The following ANAPC1 variants were observed in gnomAD, a reference collection of about 807,000 sequenced individuals.
The protein encoded by ANAPC1 is anaphase promoting complex subunit 1.
Under a neutral mutation model 208.0 loss-of-function variants are expected in ANAPC1, and 36 were observed. The ratio of observed to expected loss-of-function variants is 0.17; its 90% CI spans 0.13 to 0.23. ANAPC1 has a LOEUF of 0.23. ANAPC1 is among the 10% of genes least tolerant of loss of function. ANAPC1 has a pLI of 1.00. For missense variants in ANAPC1, 942 were observed against 2,011.6 expected, an observed-to-expected ratio of 0.47 and a Z score of 10.17; for synonymous variants, 378 against 695.2, an observed-to-expected ratio of 0.54 and a Z score of 7.18.
intron 18 of ANAPC1, among the ~76,000 whole-genome samples, chr2:111,838,133 T>C (rs180956032): frequency 6.6e-6 from 1 of 150,424 alleles, no homozygotes; most frequent in Admixed American, 6.7e-5. Flanking sequence ...TTGAGAACCT[T>C]AATTTAAAAA....
chr2:111,864,662 A>G (rs1312896214), intron 8 of ANAPC1, 144 bp downstream of exon 8: 4 of 1,346,956 alleles, frequency 3.0e-6, no homozygotes, highest in Non-Finnish European at 4.0e-6. Flanking sequence ...GGGTTTCACC[A>G]TGTTGGCCAG....
chr2:111,881,479 T>C (rs575723596), intron 1 of ANAPC1, among the ~76,000 whole-genome samples: 4 of 152,296 alleles, frequency 2.6e-5, no homozygotes, highest in Admixed American at 1.3e-4. Flanking sequence ...TGAATAACTC[T>C]AGCCATGGAA....
chr2:111,790,991 TG>T (rs1677842983), intron 38 of ANAPC1, among the ~76,000 whole-genome samples: 1 of 152,234 alleles, frequency 6.6e-6, no homozygotes, highest in African/African-American at 2.4e-5. Context: ...GGAGATTGGT[TG>T]CACGGCAGTG....
chr2:111,841,852 A>G (rs1326475190), intron 17 of ANAPC1, among the ~76,000 whole-genome samples: 1 of 152,202 alleles, frequency 6.6e-6, no homozygotes, highest in Non-Finnish European at 1.5e-5. Context: ...TTTGAAAAAA[A>G]CATTCCCATT....
intron 20 of ANAPC1, among the ~76,000 whole-genome samples, chr2:111,832,250 C>T (rs1173099971): frequency 4.7e-5 from 7 of 149,630 alleles, no homozygotes; most frequent in Non-Finnish European, 8.9e-5. Flanking sequence ...ATGCAGTGAG[C>T]CAAGATCGTA....
chr2:111,829,875 G>A lies in ANAPC1; in HGVS notation c.2625+1411C>T, dbSNP rs1281124800. ...ACTTGAGGTTGAAAGTTCGAGACCA[G>A]CCTGGACAATATGGTGAAACCCCGT... On this transcript the variant is annotated intron_variant, in intron 21 of 47. Coordinates refer to ENST00000341068, the MANE Select transcript of ANAPC1 (RefSeq NM_022662.4). 2.0e-5 allele frequency among the ~76,000 whole-genome samples: 3 copies of A among 152,072 alleles called. No homozygotes were observed. The East Asian group carries it at 5.8e-4, about 30-fold the overall frequency.
At chr2:111,867,733 A>C (rs2104576467) in intron 7 of ANAPC1, among the ~76,000 whole-genome samples, 1 of 151,726 alleles carries the variant, frequency 6.6e-6, no homozygotes, top group African/African-American at 2.4e-5. Context: ...AATAAACTTT[A>C]CTTCATCTAA....
At chr2:111,853,144 T>C (rs7575248) in intron 13 of ANAPC1, among the ~76,000 whole-genome samples, 54,370 of 151,868 alleles carry the variant, frequency 0.36, 10,468 homozygotes, top group South Asian at 0.48. Context: ...CATTTTTTTT[T>C]CCCACTTTAT....
chr2:111,813,335 C>T (rs895218441), intron 28 of ANAPC1, among the ~76,000 whole-genome samples: 7 of 151,144 alleles, frequency 4.6e-5, no homozygotes, highest in Non-Finnish European at 1.0e-4. Flanking sequence ...TACCTGAAAG[C>T]CCGACTCCTC....
rs1186107830 is a variant in ANAPC1 at position 111,771,773 on chromosome 2, A to ATCAAAAAATATTTTTTTTGAGAATC, written c.5719+543_5719+567dup. 1.4e-3 allele frequency among the ~76,000 whole-genome samples: 219 copies of ATCAAAAAATATTTTTTTTGAGAATC among 152,134 alleles called. 12 individuals are homozygous for ATCAAAAAATATTTTTTTTGAGAATC. The East Asian group carries it at 0.032, about 22-fold the overall frequency. On this transcript the variant is annotated intron_variant, in intron 47 of 47. Transcript: ENST00000341068. ...ATTAAATGGAACAATCTTTGCCCTT[A>ATCAAAAAATATTTTTTTTGAGAATC]TCAAAAAATATTTTTTTTGAGAATC...
chr2:111,798,114 C>T (rs1261559652), intron 34 of ANAPC1, among the ~76,000 whole-genome samples: 1 of 134,380 alleles, frequency 7.4e-6, no homozygotes, highest in Non-Finnish European at 1.6e-5. Flanking sequence ...AGAGACAGGG[C>T]CCCAAGCTCT....
At chr2:111,824,760 C>T (rs554614478) in intron 24 of ANAPC1, among the ~76,000 whole-genome samples, 1 of 152,260 alleles carries the variant, frequency 6.6e-6, no homozygotes, top group Non-Finnish European at 1.5e-5. Context: ...ATTCCTTATG[C>T]ATCAAGATAA....
chr2:111,846,550 TATATATATA>T lies in ANAPC1; in HGVS notation c.1852+579_1852+587del, dbSNP rs1488267040. On this transcript the variant is annotated intron_variant, in intron 16 of 47. Coordinates refer to ENST00000341068, the MANE Select transcript of ANAPC1 (RefSeq NM_022662.4). ...ATACATATACATATATATATATATA[TATATATATA>T]TTTTTTTTTTTTTTTTTTTTTTTTT... is the stretch of plus-strand genomic sequence containing the variant. 7.7e-3 allele frequency among the ~76,000 whole-genome samples: 544 copies of T among 70,332 alleles called. 13 individuals are homozygous for T. Among genetic ancestry groups the T allele is most frequent in the Middle Eastern group, 0.014 (2 of 146 alleles). 46.1% of individuals were successfully genotyped at this position (70,332 alleles called of 152,430 possible). A position where few individuals can be genotyped will look rare whatever the true frequency, so the allele number is the denominator to read the frequency against.
At position 111,878,882 on chromosome 2, in the gene ANAPC1, T is replaced by C. The variant is rs971454544; in HGVS notation, c.303A>G (p.Ile101Met). Residue 101 changes from isoleucine (I) to methionine (M), a missense_variant, in exon 3 of 48, where the codon ATA (isoleucine) becomes ATG (methionine). Ile to Met is a conservative substitution (Grantham distance 10). Coordinates refer to ENST00000341068, the MANE Select transcript of ANAPC1 (RefSeq NM_022662.4). ...EELYVAGNMV[I>M]WSKGSKSQAL... ...CCTGGCTTTTACTTCCTTTGCTCCA[T>C]ATCACCATATTTCCAGCAACATAGA... The C allele has an allele frequency of 1.2e-6, 2 of 1,608,204 alleles. No individual in the cohort carries two copies. The highest frequency in any genetic ancestry group is 8.5e-7 in the Non-Finnish European group (1 of 1,178,150).
chr2:111,879,458 T>A, intron 2 of ANAPC1, among the ~76,000 whole-genome samples: 1 of 152,206 alleles, frequency 6.6e-6, no homozygotes, highest in Non-Finnish European at 1.5e-5. Flanking sequence ...AAGTTTCCAT[T>A]TGTAACTACA....
intron 46 of ANAPC1, among the ~76,000 whole-genome samples, chr2:111,773,260 A>T (rs555479382): frequency 6.6e-6 from 1 of 152,222 alleles, no homozygotes; most frequent in East Asian, 1.9e-4. Flanking sequence ...CCTCATTCTC[A>T]TCACAAAACT....
chr2:111,776,851 A>G lies in ANAPC1; in HGVS notation c.5584+8T>C, dbSNP rs1454838861. ...CACAAGAGCGCTATGCTACAATGCT[A>G]CTATTACCTTGTAGCCACTGGTCCA... On this transcript the variant is annotated splice_region_variant and intron_variant, in intron 46 of 47. Coordinates refer to ENST00000341068, the MANE Select transcript of ANAPC1 (RefSeq NM_022662.4). The G allele has an allele frequency of 2.5e-6, 1 of 403,084 alleles. No individual in the cohort carries two copies. The highest frequency in any genetic ancestry group is 2.2e-5 in the South Asian group (1 of 44,674). The allele number at this position is 403,084 out of a possible 1,614,324, so 25.0% of individuals were successfully genotyped here.
chr2:111,882,501 G>A (rs182884392), intron 1 of ANAPC1, among the ~76,000 whole-genome samples: 3 of 151,844 alleles, frequency 2.0e-5, no homozygotes, highest in East Asian at 2.0e-4. Flanking sequence ...AGGCTGAGGC[G>A]CGAGGATCAC....
chr2:111,845,532 C>T (rs1451378152), intron 16 of ANAPC1, among the ~76,000 whole-genome samples: 1 of 152,194 alleles, frequency 6.6e-6, no homozygotes, highest in African/African-American at 2.4e-5. Context: ...AGTACATAAA[C>T]TTATGTGCAT....
Sources: allele counts gnomAD v4.1 joint callset (sites outside exome capture counted in the v4.1 genomes callset), GRCh38; gene constraint gnomAD v4.1.1; transcripts MANE v1.5; gene names NCBI Gene and HGNC (gene_info 2026-07-23, HGNC 2026-07-21).